The following PCDHA1 variants were observed in gnomAD, a reference collection of about 807,000 sequenced individuals.
PCDHA1 encodes the protein protocadherin alpha 1.
PCDHA1 carries 42 observed loss-of-function variants against 61.3 expected under a neutral mutation model. That is an observed-to-expected ratio of 0.69 (90% confidence interval 0.54 to 0.89). The LOEUF is 0.89. Among genes scored for constraint, PCDHA1 ranks in the 40% least tolerant of loss-of-function variants. The probability of loss-of-function intolerance (pLI) is 0.00; values close to 1 mark genes in which losing one functional copy is unlikely to be tolerated. For synonymous variants in PCDHA1, 610 were observed against 553.8 expected, an observed-to-expected ratio of 1.10 and a Z score of -1.43; for missense variants, 1,256 against 1,235.3, an observed-to-expected ratio of 1.02 and a Z score of -0.25.
chr5:140,915,957 T>G (rs1476969057), intron 1 of PCDHA1, among the ~76,000 whole-genome samples: 4 of 151,934 alleles, frequency 2.6e-5, no homozygotes, highest in African/African-American at 4.8e-5. Flanking sequence ...TACTTAGAAA[T>G]TTGCCTGATA....
intron 1 of PCDHA1, chr5:140,829,550 A>G: frequency 1.2e-6 from 2 of 1,612,876 alleles, no homozygotes; most frequent in African/African-American, 1.3e-5. Flanking sequence ...CGCGCAGGAG[A>G]ACGCGCTGGT....
At chr5:140,886,916 G>A (rs1170747823) in intron 1 of PCDHA1, among the ~76,000 whole-genome samples, 1 of 151,436 alleles carries the variant, frequency 6.6e-6, no homozygotes, top group Non-Finnish European at 1.5e-5. Flanking sequence ...CTTATTGAGT[G>A]TTCTCTATGT....
intron 1 of PCDHA1, among the ~76,000 whole-genome samples, chr5:140,898,137 G>C (rs1554187832): frequency 6.6e-6 from 1 of 152,098 alleles, no homozygotes; most frequent in African/African-American, 2.4e-5. Flanking sequence ...CATTTTGTAG[G>C]TTGCCTGTTC....
rs2150499672 is a variant in PCDHA1 at position 140,850,819 on chromosome 5, G to A, written c.2394+62135G>A. 1.0e-5 allele frequency: 16 copies of A among 1,598,272 alleles called. No individual in the cohort carries two copies. In the African/African-American group the frequency reaches 1.7e-4, roughly 17 times the overall value. On this transcript the variant is annotated intron_variant, in intron 1 of 3. Transcript: ENST00000504120. ...ACCGACCTCATGGCCTTCAGCCCGGGCCTTTCTCCTTGTGCTGGATCTACA... is the reference window on the plus strand; with the variant it reads ...ACCGACCTCATGGCCTTCAGCCCGGACCTTTCTCCTTGTGCTGGATCTACA...
In PCDHA1 at chr5:140,929,128, A is replaced by G. The variant is rs142487298; in HGVS notation, c.2395-49821A>G. On this transcript the variant is annotated intron_variant, in intron 1 of 3. Transcript: ENST00000504120. Reference sequence around the variant, plus strand: ...GACATCAGCCACCATAGATGTCACTACAGTTGAGAGACTTTCTCAGACTTA... The same window carrying G: ...GACATCAGCCACCATAGATGTCACTGCAGTTGAGAGACTTTCTCAGACTTA... The G allele has an allele frequency of 8.1e-6, 13 of 1,614,054 alleles. No individual in the cohort carries two copies. In the African/African-American group the frequency reaches 1.5e-4, roughly 18 times the overall value.
chr5:140,876,250 A>C (rs782111802), intron 1 of PCDHA1: 1 of 1,614,046 alleles, frequency 6.2e-7, no homozygotes. Context: ...AAACGACACA[A>C]GAGTGATCCA....
At chr5:140,807,467 G>T in intron 1 of PCDHA1, 2 of 1,612,686 alleles carry the variant, frequency 1.2e-6, no homozygotes, top group Non-Finnish European at 1.7e-6. Flanking sequence ...CGACCGGGAG[G>T]AGCTGTGCCG....
chr5:140,983,483 C>T (rs2097053951), intron 3 of PCDHA1, among the ~76,000 whole-genome samples: 1 of 152,220 alleles, frequency 6.6e-6, no homozygotes, highest in African/African-American at 2.4e-5. Flanking sequence ...ATAGTAGTTA[C>T]TAATTATTAA....
intron 1 of PCDHA1, among the ~76,000 whole-genome samples, chr5:140,881,772 C>A (rs1253242879): frequency 6.6e-6 from 1 of 152,200 alleles, no homozygotes; most frequent in Admixed American, 6.5e-5. Context: ...CATGACTATG[C>A]AGAACTACCG....
intron 1 of PCDHA1, chr5:140,927,256 CCT>C (rs2084020732): frequency 1.2e-6 from 2 of 1,614,144 alleles, no homozygotes; most frequent in Non-Finnish European, 1.7e-6. Flanking sequence ...TGACAACTCA[CCT>C]CTCTTTCCTG....
chr5:140,900,276 A>G (rs1228583402), intron 1 of PCDHA1, among the ~76,000 whole-genome samples: 1 of 151,558 alleles, frequency 6.6e-6, no homozygotes, highest in Non-Finnish European at 1.5e-5. Context: ...TATATGTACC[A>G]CACTTTCTTT....
In PCDHA1 at chr5:140,856,147, A is replaced by C. The variant is rs142037616; in HGVS notation, c.2394+67463A>C. Reference sequence around the variant, plus strand: ...TGGGGAGCGGCCAGCTCCACTACTCAGTCTACGAGGAGGCCAGACACGGCA... The same window carrying C: ...TGGGGAGCGGCCAGCTCCACTACTCCGTCTACGAGGAGGCCAGACACGGCA... On this transcript the variant is annotated intron_variant, in intron 1 of 3. Coordinates refer to ENST00000504120, the MANE Select transcript of PCDHA1 (RefSeq NM_018900.4). 34 of 1,598,116 alleles carry C rather than the reference A, an allele frequency of 2.1e-5. 2 individuals are homozygous for C. Among genetic ancestry groups the C allele is most frequent in the Middle Eastern group, 1.7e-4 (1 of 6,012 alleles).
chr5:140,828,608 A>G, intron 1 of PCDHA1: 7 of 1,614,220 alleles, frequency 4.3e-6, no homozygotes, highest in Non-Finnish European at 5.9e-6. Flanking sequence ...CTATAAACTC[A>G]GTTCTAGCGA....
chr5:140,852,162 G>A (rs1421376146), intron 1 of PCDHA1: 3 of 836,824 alleles, frequency 3.6e-6, no homozygotes, highest in Non-Finnish European at 4.4e-6. Flanking sequence ...CTTGAGAATA[G>A]AGCCACAAAA....
intron 1 of PCDHA1, chr5:140,969,141 G>A: frequency 6.2e-7 from 1 of 1,614,158 alleles, no homozygotes; most frequent in South Asian, 1.1e-5. Flanking sequence ...AAGACCTACT[G>A]CTACAAGGCC....
intron 1 of PCDHA1, among the ~76,000 whole-genome samples, chr5:140,898,214 T>C (rs1285649893): frequency 1.3e-5 from 2 of 152,238 alleles, no homozygotes; most frequent in African/African-American, 4.8e-5. Flanking sequence ...TTTGTCAATT[T>C]TGGCTTTTGT....
At chr5:140,945,158 G>C in intron 1 of PCDHA1, among the ~76,000 whole-genome samples, 1 of 151,932 alleles carries the variant, frequency 6.6e-6, no homozygotes, top group Non-Finnish European at 1.5e-5. Flanking sequence ...ATACACTATT[G>C]AACTATCTGA....
rs1554138258 is a variant in PCDHA1 at position 140,841,498 on chromosome 5, G to C, written c.2394+52814G>C. ...ACCTGGGGCTGGAGCTGGCGGAGCT[G>C]GTGCCGCGCCTGTTCCGGGTGGCGT... is the stretch of plus-strand genomic sequence containing the variant. On this transcript the variant is annotated intron_variant, in intron 1 of 3. Coordinates refer to ENST00000504120, the MANE Select transcript of PCDHA1 (RefSeq NM_018900.4). 5 of 1,613,284 alleles carry C rather than the reference G, an allele frequency of 3.1e-6. No individual in the cohort carries two copies. The Admixed American group carries it at 6.7e-5, about 22-fold the overall frequency.
intron 1 of PCDHA1, among the ~76,000 whole-genome samples, chr5:140,972,133 C>T (rs532498360): frequency 2.0e-5 from 3 of 152,072 alleles, no homozygotes; most frequent in East Asian, 3.9e-4. Flanking sequence ...CAGTGAGTTA[C>T]TACTATTTTT....
Sources: gnomAD v4.1 joint callset for allele counts (sites outside exome capture counted in the v4.1 genomes callset) on GRCh38, gnomAD v4.1.1 for gene constraint, MANE v1.5 for transcripts, NCBI Gene and HGNC (gene_info 2026-07-23, HGNC 2026-07-21) for gene names.